TLN2: variants seen among roughly 807,000 people sequenced by gnomAD.
TLN2 encodes talin 2.
TLN2 carries 118 observed loss-of-function variants against 294.7 expected under a neutral mutation model. The observed-to-expected ratio is 0.40, with a 90% CI of 0.34 to 0.47. The LOEUF (loss-of-function observed/expected upper bound fraction) is 0.47. Among genes scored for constraint, TLN2 ranks in the 20% least tolerant of loss-of-function variants. The probability of loss-of-function intolerance (pLI) is 0.84; values close to 1 mark genes in which losing one functional copy is unlikely to be tolerated. For missense variants in TLN2, 3,083 were observed against 3,282.2 expected, an observed-to-expected ratio of 0.94 and a Z score of 1.48; for synonymous variants, 1,431 against 1,304.5, an observed-to-expected ratio of 1.10 and a Z score of -2.09.
In TLN2 at chr15:62,657,762, G is replaced by A; in HGVS notation, c.661-9G>A. ...GCCTCTGATGCTTTTCCTTCCTCTT[G>A]TGTTTCAGGCACGGGATGACATCCT... On this transcript the variant is annotated splice_polypyrimidine_tract_variant and intron_variant, in intron 8 of 58. Coordinates refer to ENST00000636159, the MANE Select transcript of TLN2 (RefSeq NM_015059.3). The A allele has an allele frequency of 1.3e-5, 21 of 1,609,210 alleles. No individual in the cohort carries two copies. The highest frequency in any genetic ancestry group is 1.7e-5 in the Non-Finnish European group (20 of 1,178,676).
intron 1 of TLN2, among the ~76,000 whole-genome samples, chr15:62,549,816 A>C (rs1454511531): frequency 1.3e-5 from 2 of 152,138 alleles, no homozygotes; most frequent in African/African-American, 4.8e-5. Flanking sequence ...AAACATGATA[A>C]ATGAATCAAG....
intron 1 of TLN2, among the ~76,000 whole-genome samples, chr15:62,417,480 T>G (rs1184052868): frequency 1.3e-5 from 2 of 152,220 alleles, no homozygotes; most frequent in African/African-American, 4.8e-5. Flanking sequence ...CAAGAAACTT[T>G]GAGTTAAATG....
chr15:62,697,208 G>A (rs1362389179), intron 14 of TLN2, among the ~76,000 whole-genome samples: 1 of 152,064 alleles, frequency 6.6e-6, no homozygotes, highest in African/African-American at 2.4e-5. Flanking sequence ...CCTGGGCTCA[G>A]GTGATCCTCT....
At position 62,661,950 on chromosome 15, in the gene TLN2, T is replaced by C. The variant is rs116329509; in HGVS notation, c.788+4052T>C. Among the ~76,000 whole-genome samples the C allele has an allele frequency of 4.4e-3, 663 of 152,288 alleles. 7 individuals are homozygous for C. Among genetic ancestry groups the C allele is most frequent in the African/African-American group, 0.015 (626 of 41,560 alleles). ...ACCTGTATATGTGCCTAACACTGCC[T>C]TAAATGTATATAAAGGAAAAATAGA... On this transcript the variant is annotated intron_variant, in intron 9 of 58. Transcript: ENST00000636159.
intron 50 of TLN2, among the ~76,000 whole-genome samples, chr15:62,803,010 C>T (rs948577250): frequency 3.3e-5 from 5 of 152,110 alleles, no homozygotes; most frequent in Non-Finnish European, 5.9e-5. Flanking sequence ...TGTTTTCTCC[C>T]GTTCTGTGGG....
At chr15:62,770,349 A>C (rs1241073049) in intron 41 of TLN2, among the ~76,000 whole-genome samples, 1 of 152,228 alleles carries the variant, frequency 6.6e-6, no homozygotes, top group Admixed American at 6.5e-5. Context: ...ATGGATATGC[A>C]TGGCAGTGCC....
At chr15:62,631,494 T>C (rs1596404609) in intron 3 of TLN2, among the ~76,000 whole-genome samples, 1 of 151,146 alleles carries the variant, frequency 6.6e-6, no homozygotes, top group South Asian at 2.1e-4. Flanking sequence ...TTTCTTTCTT[T>C]CTTCCTCTTT....
chr15:62,735,260 C>T (rs2140953232), intron 28 of TLN2, among the ~76,000 whole-genome samples: 1 of 152,290 alleles, frequency 6.6e-6, no homozygotes, highest in Admixed American at 6.5e-5. Context: ...TATATGTGTC[C>T]TGGCATCTCC....
chr15:62,553,162 C>T (rs2042416560), intron 1 of TLN2, among the ~76,000 whole-genome samples: 1 of 152,166 alleles, frequency 6.6e-6, no homozygotes, highest in African/African-American at 2.4e-5. Flanking sequence ...TTCAGTATAT[C>T]TTTGCTGGCT....
chr15:62,701,291 A>G (rs966175923), intron 17 of TLN2, 77 bp downstream of exon 17: 1 of 1,196,852 alleles, frequency 8.4e-7, no homozygotes, highest in Non-Finnish European at 1.2e-6. Flanking sequence ...TTAAAAAATA[A>G]GTTATCTGTT....
intron 25 of TLN2, among the ~76,000 whole-genome samples, chr15:62,721,222 T>G (rs2060127801): frequency 6.6e-6 from 1 of 152,268 alleles, no homozygotes; most frequent in African/African-American, 2.4e-5. Context: ...ATTTTAAACT[T>G]CATGTTATAA....
rs116722549 is a variant in TLN2 at position 62,663,158 on chromosome 15, C to T, written c.788+5260C>T. Among the ~76,000 whole-genome samples, 1,308 of 152,114 alleles carry T rather than the reference C, an allele frequency of 8.6e-3. 17 individuals carry two copies. The highest frequency in any genetic ancestry group is 0.03 in the African/African-American group (1,246 of 41,482). ...TTTTAGAATGGATTACCAAGAGACA[C>T]GTTTTCACAGTAGAAAATTTGTTTA... On this transcript the variant is annotated intron_variant, in intron 9 of 58. Transcript: ENST00000636159.
intron 2 of TLN2, among the ~76,000 whole-genome samples, chr15:62,604,563 G>T (rs768808521): frequency 1.3e-5 from 2 of 149,604 alleles, no homozygotes; most frequent in Non-Finnish European, 3.0e-5. Flanking sequence ...GGTGGGGGGC[G>T]ATTGTCAACA....
chr15:62,801,633 C>T (rs994859491), intron 50 of TLN2, among the ~76,000 whole-genome samples: 5 of 152,148 alleles, frequency 3.3e-5, no homozygotes, highest in Admixed American at 1.3e-4. Flanking sequence ...CTTGTCATAT[C>T]ATTAAAGAAT....
chr15:62,603,220 C>A (rs2047149567), intron 2 of TLN2, among the ~76,000 whole-genome samples: 2 of 152,156 alleles, frequency 1.3e-5, no homozygotes, highest in Non-Finnish European at 2.9e-5. Context: ...CCAGTTCTCT[C>A]TCCATCCTGT....
intron 3 of TLN2, among the ~76,000 whole-genome samples, chr15:62,622,105 A>G (rs1263583113): frequency 6.6e-6 from 1 of 152,046 alleles, no homozygotes; most frequent in Non-Finnish European, 1.5e-5. Context: ...TGTGTTTGCA[A>G]AGGGAAACAT....
chr15:62,400,170 G>A (rs941021931), intron 1 of TLN2, among the ~76,000 whole-genome samples: 1 of 152,170 alleles, frequency 6.6e-6, no homozygotes, highest in Non-Finnish European at 1.5e-5. Context: ...TCTCTCTCCT[G>A]CCGCCATGTG....
intron 40 of TLN2, 36 bp downstream of exon 40, chr15:62,763,731 C>T: frequency 1.9e-6 from 3 of 1,548,824 alleles, no homozygotes; most frequent in Non-Finnish European, 1.7e-6. Flanking sequence ...TTAGTCGCCT[C>T]TAGATATGTT....
At chr15:62,480,152 G>T (rs1488156090) in intron 1 of TLN2, among the ~76,000 whole-genome samples, 1 of 152,138 alleles carries the variant, frequency 6.6e-6, no homozygotes, top group Non-Finnish European at 1.5e-5. Flanking sequence ...GAAGGTGTTG[G>T]ATGAGTGTCT....
Sources: allele counts gnomAD v4.1 joint callset (sites outside exome capture counted in the v4.1 genomes callset), GRCh38; gene constraint gnomAD v4.1.1; transcripts MANE v1.5; gene names NCBI Gene and HGNC (gene_info 2026-07-23, HGNC 2026-07-21).